CFAP47: variants seen among roughly 807,000 people sequenced by gnomAD.
The protein encoded by CFAP47 is cilia and flagella associated protein 47.
Under a neutral mutation model 148.1 loss-of-function variants are expected in CFAP47, and 29 were observed. The observed-to-expected ratio is 0.20, with a 90% confidence interval of 0.15 to 0.27. CFAP47 has a LOEUF of 0.27. CFAP47 is among the 10% of genes least tolerant of loss of function. The pLI, the probability that CFAP47 is intolerant of heterozygous loss-of-function variation, is 1.00. For synonymous variants in CFAP47, 664 were observed against 577.3 expected (o/e 1.15, Z -2.15); for missense variants, 1,872 against 1,697.5 (o/e 1.10, Z -1.81).
chrX:36,330,138 G>A (rs782449664), intron 57 of CFAP47, among the ~76,000 whole-genome samples: 3 of 111,234 alleles, frequency 2.7e-5, no homozygotes, highest in Admixed American at 1.9e-4. Context: ...ATAGTCACTC[G>A]CTTCCTTATG....
At position 36,287,564 on chromosome X, in the gene CFAP47, G is replaced by T. The variant is rs145548807; in HGVS notation, c.7686+1838G>T. On this transcript the variant is annotated intron_variant, in intron 51 of 63. Coordinates refer to ENST00000378653, the MANE Select transcript of CFAP47 (RefSeq NM_001304548.2). ...TCATTGAGTAGTTTTACGTTATAAG[G>T]CAGGAATGAAACTTCTTAACACATG... is the stretch of plus-strand genomic sequence containing the variant. Among the ~76,000 whole-genome samples, 223 of 111,150 alleles carry T rather than the reference G, an allele frequency of 2.0e-3. 1 individual carries two copies. Among genetic ancestry groups the T allele is most frequent in the African/African-American group, 6.8e-3 (210 of 30,663 alleles).
At chrX:36,019,447 A>G (rs756340312) in intron 22 of CFAP47, among the ~76,000 whole-genome samples, 2 of 111,648 alleles carry the variant, frequency 1.8e-5, no homozygotes, top group Non-Finnish European at 3.8e-5. Context: ...GGCGCATATA[A>G]GTAAACAGTT....
intron 26 of CFAP47, among the ~76,000 whole-genome samples, chrX:36,059,318 A>G (rs1937576748): frequency 9.0e-6 from 1 of 111,678 alleles, no homozygotes; most frequent in Non-Finnish European, 1.9e-5. Context: ...GAAAATAACA[A>G]TGATCTTACT....
At chrX:35,927,432 T>C (rs1032682764) in intron 2 of CFAP47, among the ~76,000 whole-genome samples, 2 of 111,520 alleles carry the variant, frequency 1.8e-5, no homozygotes, top group African/African-American at 3.3e-5. Flanking sequence ...GTTTGTGGTA[T>C]GTATGGAGAG....
intron 26 of CFAP47, among the ~76,000 whole-genome samples, chrX:36,059,152 G>A (rs1009722277): frequency 2.7e-5 from 3 of 111,312 alleles, no homozygotes; most frequent in South Asian, 3.7e-4. Context: ...AATTAGAATC[G>A]AGCCATTTCA....
chrX:36,036,595 C>T (rs750817451), intron 24 of CFAP47, among the ~76,000 whole-genome samples: 1 of 111,578 alleles, frequency 9.0e-6, no homozygotes, highest in East Asian at 2.8e-4. Flanking sequence ...TTTTGAGGAA[C>T]GTTCTCAGAA....
chrX:36,201,363 G>A lies in CFAP47; in HGVS notation c.6526G>A (p.Ala2176Thr), dbSNP rs1220089086. ...CCTTAAATTGCCAATGACTAATGAAGCCAAGGAAAAGGCTTTGGCTTTTGC... is the reference window on the plus strand; with the variant it reads ...CCTTAAATTGCCAATGACTAATGAAACCAAGGAAAAGGCTTTGGCTTTTGC... ...VDLKLPMTNE[A>T]KEKALAFAAQ... Residue 2176 changes from alanine (A) to threonine (T), a missense_variant, in exon 44 of 64, where the codon GCC becomes ACC. Physicochemically the swap from Ala to Thr is moderately conservative, Grantham distance 58. Coordinates refer to ENST00000378653, the MANE Select transcript of CFAP47 (RefSeq NM_001304548.2). The A allele has an allele frequency of 6.8e-6, 2 of 295,382 alleles. No individual in the cohort carries two copies. The highest frequency in any genetic ancestry group is 5.9e-6 in the Non-Finnish European group (1 of 169,815). The allele number at this position is 295,382 out of a possible 1,213,427, so 24.3% of individuals were successfully genotyped here. A position where few individuals can be genotyped will look rare whatever the true frequency, so the allele number is the denominator to read the frequency against.
intron 2 of CFAP47, among the ~76,000 whole-genome samples, chrX:35,933,372 G>A (rs1935860519): frequency 9.0e-6 from 1 of 111,294 alleles, no homozygotes; most frequent in Non-Finnish European, 1.9e-5. Flanking sequence ...ATGACCTCCA[G>A]TTACATCTAT....
intron 49 of CFAP47, among the ~76,000 whole-genome samples, chrX:36,272,857 A>T (rs782369327): frequency 4.5e-5 from 5 of 111,612 alleles, no homozygotes; most frequent in Admixed American, 9.6e-5. Context: ...AGTGATTTTT[A>T]TATTTTTCCA....
intron 15 of CFAP47, among the ~76,000 whole-genome samples, chrX:35,976,128 G>GGA (rs1004253335): frequency 9.1e-6 from 1 of 110,188 alleles, no homozygotes; most frequent in Non-Finnish European, 1.9e-5. Context: ...AGACCAACAG[G>GGA]GAGAGAGAGA....
chrX:35,932,158 C>T (rs1186668741), intron 2 of CFAP47, among the ~76,000 whole-genome samples: 2 of 109,848 alleles, frequency 1.8e-5, no homozygotes, highest in Non-Finnish European at 3.8e-5. Flanking sequence ...TAATGATCCT[C>T]CCTCCTCAGC....
intron 49 of CFAP47, among the ~76,000 whole-genome samples, chrX:36,275,952 A>T (rs1941011839): frequency 9.0e-6 from 1 of 110,698 alleles, no homozygotes; most frequent in South Asian, 3.7e-4. Flanking sequence ...TTTCCATTTA[A>T]TCTAAAGTAA....
intron 44 of CFAP47, 77 bp downstream of exon 44, chrX:36,201,577 T>C: frequency 3.4e-6 from 1 of 292,998 alleles, no homozygotes; most frequent in Admixed American, 6.1e-5. Flanking sequence ...GCTGTTACTA[T>C]TTAAAATATT....
chrX:36,145,387 A>T, intron 36 of CFAP47, 34 bp downstream of exon 36: 1 of 294,850 alleles, frequency 3.4e-6, no homozygotes. Flanking sequence ...ATGTGTAAGG[A>T]GTTACACAAT....
rs1261539934 is a variant in CFAP47, at chrX:36,348,234, A to G, written c.8549A>G (p.Asn2850Ser). The G allele has an allele frequency of 4.7e-6, 5 of 1,060,068 alleles. No homozygotes were observed. The highest frequency in any genetic ancestry group is 6.1e-6 in the Non-Finnish European group (5 of 819,057). The allele number at this position is 1,060,068 out of a possible 1,213,427, so 87.4% of individuals were successfully genotyped here. The part of the protein sequence containing the change: ...TMVIIEMTKA[N>S]GKYWPIDNFD... ...GTTATTATTGAGATGACGAAAGCAA[A>G]TGGAAAATATTGGCCTATTGACAAT... The change falls in exon 58 of 64, where the codon AAT becomes AGT. Residue 2850 changes from asparagine to serine, a missense_variant. Transcript: ENST00000378653.
At chrX:36,368,656 G>T (rs1363751462) in intron 62 of CFAP47, among the ~76,000 whole-genome samples, 1 of 110,878 alleles carries the variant, frequency 9.0e-6, no homozygotes, top group African/African-American at 3.3e-5. Context: ...ACAATTTTTT[G>T]CTCAACCACT....
chrX:36,036,258 AT>A lies in CFAP47; in HGVS notation c.3811+405del, dbSNP rs1327193106. On this transcript the variant is annotated intron_variant, in intron 24 of 63. Coordinates refer to ENST00000378653, the MANE Select transcript of CFAP47 (RefSeq NM_001304548.2). ...AGACAATGCCCTACACTCTGCTTCCATGAGTTTGACTTTTTAGATTTCATAT... is the reference window on the plus strand; with the variant it reads ...AGACAATGCCCTACACTCTGCTTCCAGAGTTTGACTTTTTAGATTTCATAT... Among the ~76,000 whole-genome samples, 3 of 111,227 alleles carry A rather than the reference AT, an allele frequency of 2.7e-5. No homozygotes were observed. In the East Asian group the frequency reaches 8.5e-4, roughly 31 times the overall value.
At chrX:36,378,672 T>C (rs1556023423) in intron 62 of CFAP47, among the ~76,000 whole-genome samples, 1 of 111,562 alleles carries the variant, frequency 9.0e-6, no homozygotes, top group Admixed American at 9.5e-5. Flanking sequence ...CCCTAGTAAC[T>C]GGGATTACAG....
intron 26 of CFAP47, among the ~76,000 whole-genome samples, chrX:36,054,585 T>A (rs1449430661): frequency 9.0e-6 from 1 of 111,567 alleles, no homozygotes; most frequent in African/African-American, 3.3e-5. Flanking sequence ...TAAATCTATT[T>A]AACATTTACC....
Sources: allele counts gnomAD v4.1 joint callset (sites outside exome capture counted in the v4.1 genomes callset), GRCh38; gene constraint gnomAD v4.1.1; transcripts MANE v1.5; gene names NCBI Gene and HGNC (gene_info 2026-07-23, HGNC 2026-07-21).